The following CACNA2D3 variants were observed in gnomAD, a reference collection of about 807,000 sequenced individuals.
CACNA2D3 encodes calcium voltage-gated channel auxiliary subunit alpha2delta 3, also known as voltage-dependent calcium channel subunit alpha-2/delta-3.
CACNA2D3 carries 60 observed loss-of-function variants against 160.6 expected under a neutral mutation model. The observed-to-expected ratio is 0.37, with a 90% CI of 0.30 to 0.46. CACNA2D3 has a LOEUF of 0.46. Among genes scored for constraint, CACNA2D3 ranks in the 20% least tolerant of loss-of-function variants. The pLI is 1.00. For synonymous variants in CACNA2D3, 558 were observed against 492.9 expected, an observed-to-expected ratio of 1.13 and a Z score of -1.75; for missense variants, 1,205 against 1,365.0, an observed-to-expected ratio of 0.88 and a Z score of 1.85.
At chr3:54,864,964 G>A (rs1480817838) in intron 17 of CACNA2D3, among the ~76,000 whole-genome samples, 1 of 152,202 alleles carries the variant, frequency 6.6e-6, no homozygotes, top group Non-Finnish European at 1.5e-5. Flanking sequence ...AAAATGAAAC[G>A]AGACACGTAC....
At chr3:54,377,479 T>C (rs1453974389) in intron 3 of CACNA2D3, among the ~76,000 whole-genome samples, 2 of 152,238 alleles carry the variant, frequency 1.3e-5, no homozygotes, top group African/African-American at 2.4e-5. Context: ...AGCTGTTTTA[T>C]GCTGGAAAAT....
intron 2 of CACNA2D3, among the ~76,000 whole-genome samples, chr3:54,159,922 A>AC (rs1216104943): frequency 5.9e-5 from 9 of 152,244 alleles, no homozygotes; most frequent in Non-Finnish European, 1.3e-4. Context: ...CAAACATACT[A>AC]CAAACATCCA....
intron 17 of CACNA2D3, among the ~76,000 whole-genome samples, chr3:54,863,587 A>G (rs947840183): frequency 1.3e-5 from 2 of 152,134 alleles, no homozygotes; most frequent in African/African-American, 4.8e-5. Context: ...TGTTTGACCT[A>G]CAAAAACGGT....
At chr3:54,572,923 C>T (rs575806256) in intron 8 of CACNA2D3, among the ~76,000 whole-genome samples, 1 of 152,232 alleles carries the variant, frequency 6.6e-6, no homozygotes, top group African/African-American at 2.4e-5. Context: ...GTTAACAAAA[C>T]CAATCGATTG....
chr3:54,304,451 A>G (rs113855921), intron 2 of CACNA2D3, among the ~76,000 whole-genome samples: 3 of 152,298 alleles, frequency 2.0e-5, no homozygotes, highest in East Asian at 1.9e-4. Flanking sequence ...TCCCTTTGGC[A>G]TGTATAGGAT....
At chr3:54,908,251 G>A (rs894534005) in intron 27 of CACNA2D3, among the ~76,000 whole-genome samples, 2 of 152,198 alleles carry the variant, frequency 1.3e-5, no homozygotes, top group African/African-American at 2.4e-5. Context: ...CCTAGTGGGT[G>A]TGAAGTGATT....
At chr3:54,581,676 C>G (rs1702680329) in intron 8 of CACNA2D3, 127 bp from the exon 9 acceptor site, 4 of 722,034 alleles carry the variant, frequency 5.5e-6, no homozygotes, top group South Asian at 4.7e-5. Flanking sequence ...GAGAGTTCAC[C>G]TTATGTGAAT....
intron 17 of CACNA2D3, among the ~76,000 whole-genome samples, chr3:54,866,665 GT>G (rs369082776): frequency 6.6e-6 from 1 of 152,172 alleles, no homozygotes; most frequent in African/African-American, 2.4e-5. Context: ...AGAGCAAAGG[GT>G]TTTTGTTTTA....
intron 4 of CACNA2D3, among the ~76,000 whole-genome samples, chr3:54,435,112 C>T (rs530522560): frequency 1.3e-5 from 2 of 152,222 alleles, no homozygotes; most frequent in East Asian, 3.9e-4. Flanking sequence ...TCAGTCTCCC[C>T]AGCCCCAGTG....
intron 4 of CACNA2D3, among the ~76,000 whole-genome samples, chr3:54,445,502 G>A (rs139693586): frequency 6.7e-6 from 1 of 149,840 alleles, no homozygotes; most frequent in African/African-American, 2.5e-5. Context: ...ATTTGTTTTT[G>A]TACATATATA....
chr3:54,586,155 T>C (rs2106747208), intron 9 of CACNA2D3, among the ~76,000 whole-genome samples: 1 of 150,782 alleles, frequency 6.6e-6, no homozygotes, highest in Admixed American at 6.6e-5. Flanking sequence ...TCCCAGCTAC[T>C]TGGGAGGCTG....
chr3:54,902,990 A>G (rs529877059), intron 27 of CACNA2D3, among the ~76,000 whole-genome samples: 1 of 152,364 alleles, frequency 6.6e-6, no homozygotes, highest in East Asian at 1.9e-4. Flanking sequence ...TAAATAAATA[A>G]TAACCAGTGT....
chr3:54,415,716 A>G (rs970621105), intron 4 of CACNA2D3, among the ~76,000 whole-genome samples: 1 of 152,180 alleles, frequency 6.6e-6, no homozygotes, highest in African/African-American at 2.4e-5. Flanking sequence ...GGTAGATACT[A>G]TTATCTCTGT....
chr3:54,846,049 T>G (rs977949227), intron 16 of CACNA2D3, among the ~76,000 whole-genome samples: 1 of 152,122 alleles, frequency 6.6e-6, no homozygotes, highest in African/African-American at 2.4e-5. Context: ...TAAAGTTCTG[T>G]GCACTTGGAC....
intron 11 of CACNA2D3, among the ~76,000 whole-genome samples, chr3:54,683,492 A>G (rs957033678): frequency 6.6e-6 from 1 of 152,220 alleles, no homozygotes; most frequent in Non-Finnish European, 1.5e-5. Context: ...GACAGTGGAC[A>G]AGCTCTCCAG....
Position 55,002,034 on chromosome 3 carries a change from T to G in CACNA2D3, c.2691-2729T>G, listed in dbSNP as rs146004018. Reference sequence around the variant, plus strand: ...AGTTGGGTGTAGTGGCATGTGCCTGTAGTCCCAACTACTCGGGAGGCTGAA... The same window carrying G: ...AGTTGGGTGTAGTGGCATGTGCCTGGAGTCCCAACTACTCGGGAGGCTGAA... On this transcript the variant is annotated intron_variant, in intron 31 of 37. Coordinates refer to ENST00000474759, the MANE Select transcript of CACNA2D3 (RefSeq NM_018398.3). Among the ~76,000 whole-genome samples the G allele has an allele frequency of 4.8e-3, 735 of 152,116 alleles. 5 individuals are homozygous for G. The highest frequency in any genetic ancestry group is 0.017 in the African/African-American group (696 of 41,492).
intron 14 of CACNA2D3, among the ~76,000 whole-genome samples, chr3:54,833,283 G>A (rs1319064315): frequency 6.6e-6 from 1 of 152,198 alleles, no homozygotes; most frequent in Admixed American, 6.5e-5. Flanking sequence ...CCTGCTTAAA[G>A]CCTGGGCAAG....
At chr3:54,535,655 C>G (rs1457539047) in intron 5 of CACNA2D3, among the ~76,000 whole-genome samples, 1 of 152,104 alleles carries the variant, frequency 6.6e-6, no homozygotes, top group Non-Finnish European at 1.5e-5. Context: ...ATTGAGAACT[C>G]TAAATTATTA....
chr3:54,908,113 T>G (rs1377935245), intron 27 of CACNA2D3, among the ~76,000 whole-genome samples: 26 of 152,210 alleles, frequency 1.7e-4, no homozygotes, highest in Non-Finnish European at 4.4e-5. Flanking sequence ...CTCTGTTTGG[T>G]ATTTGGAAGA....
Sources: gnomAD v4.1 joint callset for allele counts (sites outside exome capture counted in the v4.1 genomes callset) on GRCh38, gnomAD v4.1.1 for gene constraint, MANE v1.5 for transcripts, NCBI Gene and HGNC (gene_info 2026-07-23, HGNC 2026-07-21) for gene names.